Variants in PRKAR1B observed in about 807,000 individuals in gnomAD.
PRKAR1B encodes protein kinase cAMP-dependent type I regulatory subunit beta.
A neutral mutation model predicts 46.5 loss-of-function variants in PRKAR1B; 22 were observed. The ratio of observed to expected loss-of-function variants is 0.47; its 90% confidence interval spans 0.34 to 0.68. The LOEUF (loss-of-function observed/expected upper bound fraction) is 0.68, where lower values mean the gene tolerates loss of function less well. Ranked by LOEUF, PRKAR1B falls within the 30% of genes least tolerant of loss-of-function variation. The probability of loss-of-function intolerance (pLI) is 0.01; values close to 1 mark genes in which losing one functional copy is unlikely to be tolerated. For synonymous variants in PRKAR1B, 259 were observed against 217.7 expected, an observed-to-expected ratio of 1.19 and a Z score of -1.67; for missense variants, 445 against 535.6, an observed-to-expected ratio of 0.83 and a Z score of 1.67.
chr7:711,075 C>G (rs559383158), intron 2 of PRKAR1B, among the ~76,000 whole-genome samples: 1 of 152,202 alleles, frequency 6.6e-6, no homozygotes, highest in Admixed American at 6.5e-5. Flanking sequence ...CTGGAACCCC[C>G]TGGAAGCCGA....
chr7:717,936 CAT>C (rs1407814395), intron 1 of PRKAR1B, among the ~76,000 whole-genome samples: 3 of 152,098 alleles, frequency 2.0e-5, no homozygotes, highest in Non-Finnish European at 2.9e-5. Context: ...GTGAGCATCA[CAT>C]ATGATTCATG....
At position 676,273 on chromosome 7, in the gene PRKAR1B, G is replaced by C. The variant is rs575777913; in HGVS notation, c.440+956C>G. On this transcript the variant is annotated intron_variant, in intron 4 of 10. Transcript: ENST00000537384. ...TATGATCAACATCCCCACACATGGCGTCCAAGCCCCTTCACGCTCAGCCCT... is the reference window on the plus strand; with the variant it reads ...TATGATCAACATCCCCACACATGGCCTCCAAGCCCCTTCACGCTCAGCCCT... Among the ~76,000 whole-genome samples, 8 of 152,152 alleles carry C rather than the reference G, an allele frequency of 5.3e-5. No homozygotes were observed. The East Asian group carries it at 1.4e-3, about 26-fold the overall frequency.
Position 726,214 on chromosome 7 carries a change from AG to A in PRKAR1B, c.-23+995del, listed in dbSNP as rs1231117426. On this transcript the variant is annotated intron_variant, in intron 1 of 10. Coordinates refer to ENST00000537384, the MANE Select transcript of PRKAR1B (RefSeq NM_001164760.2). ...GCGGCTACGCCTGAGATCTAATGAC[AG>A]GCTGCACGTGAAGCCCAGACCAGGC... Among the ~76,000 whole-genome samples, 6 of 152,342 alleles carry A rather than the reference AG, an allele frequency of 3.9e-5. No individual in the cohort carries two copies. In the East Asian group the frequency reaches 1.2e-3, roughly 29 times the overall value.
rs558088548 is a variant in PRKAR1B at position 585,068 on chromosome 7, C to T, written c.709-500G>A. Among the ~76,000 whole-genome samples the T allele has an allele frequency of 2.6e-5, 4 of 152,322 alleles. No homozygotes were observed. In the East Asian group the frequency reaches 5.8e-4, roughly 22 times the overall value. ...CATTAAAAGCCGATACTTGACTTCCCTCAACCCTGGGAAAAGCATGCTGAA... is the reference window on the plus strand; with the variant it reads ...CATTAAAAGCCGATACTTGACTTCCTTCAACCCTGGGAAAAGCATGCTGAA... On this transcript the variant is annotated intron_variant, in intron 7 of 10. Transcript: ENST00000537384.
chr7:679,094 A>AT (rs1242841506), intron 3 of PRKAR1B, among the ~76,000 whole-genome samples: 8 of 152,208 alleles, frequency 5.3e-5, no homozygotes, highest in African/African-American at 1.7e-4. Flanking sequence ...ATCTCAAAAA[A>AT]ATATATATAA....
In PRKAR1B at chr7:593,633, A is replaced by C. The variant is rs982944314; in HGVS notation, c.708+2513T>G. 5.3e-5 allele frequency among the ~76,000 whole-genome samples: 8 copies of C among 152,122 alleles called. No individual in the cohort carries two copies. The highest frequency in any genetic ancestry group is 1.0e-4 in the Non-Finnish European group (7 of 68,016). On this transcript the variant is annotated intron_variant, in intron 7 of 10. Transcript: ENST00000537384. This position sits in a 1 kb window ranked among gnomAD's most constrained non-coding sequence, Gnocchi z 6.1. ...AACCGCTGTGCCCTCTTCCTGCCCC[A>C]AAACCGCTCCAGCCCCTCTCAGGGG...
At chr7:626,936 G>A (rs1220338627) in intron 4 of PRKAR1B, among the ~76,000 whole-genome samples, 9 of 152,064 alleles carry the variant, frequency 5.9e-5, no homozygotes, top group Non-Finnish European at 1.2e-4. Context: ...GTGCAGTGGC[G>A]TGATCTCGGC....
intron 1 of PRKAR1B, among the ~76,000 whole-genome samples, chr7:719,270 G>A (rs1780992065): frequency 6.6e-6 from 1 of 151,986 alleles, no homozygotes; most frequent in South Asian, 2.1e-4. Flanking sequence ...AAACTCCTGA[G>A]CTCAAGTGAT....
At chr7:664,846 C>T (rs979256189) in intron 4 of PRKAR1B, among the ~76,000 whole-genome samples, 8 of 152,058 alleles carry the variant, frequency 5.3e-5, no homozygotes, top group East Asian at 3.9e-4. Flanking sequence ...CCCAGGAAGT[C>T]GAGGCTGCAG....
intron 7 of PRKAR1B, among the ~76,000 whole-genome samples, chr7:591,967 C>CT (rs1055924855): frequency 3.9e-5 from 6 of 152,248 alleles, no homozygotes; most frequent in African/African-American, 1.4e-4. Flanking sequence ...GAAGGCACCG[C>CT]TGTGGAACCC....
intron 4 of PRKAR1B, among the ~76,000 whole-genome samples, chr7:641,436 C>A (rs907827208): frequency 2.6e-5 from 4 of 152,138 alleles, no homozygotes; most frequent in Non-Finnish European, 5.9e-5. Context: ...TAGCTCCGAA[C>A]AGCAAACAAC....
chr7:623,584 T>C (rs1179678544), intron 4 of PRKAR1B, among the ~76,000 whole-genome samples: 1 of 152,180 alleles, frequency 6.6e-6, no homozygotes, highest in African/African-American at 2.4e-5. Context: ...ACAATCCTGT[T>C]AGGTCAGTGA....
intron 9 of PRKAR1B, among the ~76,000 whole-genome samples, chr7:573,456 G>A (rs930028081): frequency 2.0e-5 from 3 of 152,058 alleles, no homozygotes; most frequent in African/African-American, 7.2e-5. Flanking sequence ...CGGGAAGCCT[G>A]TGCAGGAGCG....
chr7:585,999 C>T (rs1780572003), intron 7 of PRKAR1B, among the ~76,000 whole-genome samples: 1 of 152,194 alleles, frequency 6.6e-6, no homozygotes, highest in Non-Finnish European at 1.5e-5. Flanking sequence ...GGCACGCAGA[C>T]ACAGTGGCAT....
intron 9 of PRKAR1B, among the ~76,000 whole-genome samples, chr7:575,340 C>A (rs1406905482): frequency 6.6e-6 from 1 of 152,234 alleles, no homozygotes; most frequent in East Asian, 1.9e-4. Flanking sequence ...CCAAGAAGAG[C>A]ATCCCGGGAG....
At chr7:664,326 A>G (rs562609864) in intron 4 of PRKAR1B, among the ~76,000 whole-genome samples, 87 of 152,308 alleles carry the variant, frequency 5.7e-4, no homozygotes, top group African/African-American at 2.1e-3. Flanking sequence ...CACAGTGGCC[A>G]GTGCTGCACC....
chr7:691,540 C>A (rs367573081), intron 2 of PRKAR1B: 38 of 1,304,500 alleles, frequency 2.9e-5, no homozygotes, highest in East Asian at 2.2e-4. Context: ...TGGGCATTAC[C>A]AGTGGATCCA....
At chr7:631,040 C>A (rs547852175) in intron 4 of PRKAR1B, among the ~76,000 whole-genome samples, 2 of 151,858 alleles carry the variant, frequency 1.3e-5, no homozygotes, top group African/African-American at 4.8e-5. Flanking sequence ...GCAACCTCCA[C>A]CTCCTGGTTC....
chr7:704,375 C>G (rs1224395597), intron 2 of PRKAR1B, among the ~76,000 whole-genome samples: 2 of 152,274 alleles, frequency 1.3e-5, no homozygotes, highest in East Asian at 3.9e-4. Flanking sequence ...AGAAAACCAC[C>G]TCAGGAATGA....
Sources: gnomAD v4.1 joint callset for allele counts (sites outside exome capture counted in the v4.1 genomes callset) on GRCh38, gnomAD v4.1.1 for gene constraint, Gnocchi (gnomAD v3.1) non-coding constraint, MANE v1.5 for transcripts, NCBI Gene and HGNC (gene_info 2026-07-23, HGNC 2026-07-21) for gene names.